ANO2: variants seen among roughly 807,000 people sequenced by gnomAD.
ANO2 encodes the protein anoctamin 2, also known as anoctamin-2.
ANO2 carries 101 observed loss-of-function variants against 124.2 expected under a neutral mutation model. The observed-to-expected ratio is 0.81, with a 90% CI of 0.69 to 0.96. ANO2 has a LOEUF of 0.96. Ranked by LOEUF, ANO2 falls within the 40% of genes least tolerant of loss-of-function variation. The pLI, the probability that ANO2 is intolerant of heterozygous loss-of-function variation, is 0.00. For synonymous variants in ANO2, 486 were observed against 482.5 expected (o/e 1.01, Z -0.09); for missense variants, 1,293 against 1,274.5 (o/e 1.01, Z -0.22).
chr12:5,883,565 T>C (rs1157287255), intron 3 of ANO2, among the ~76,000 whole-genome samples: 1 of 150,642 alleles, frequency 6.6e-6, no homozygotes, highest in Non-Finnish European at 1.5e-5. Context: ...GCTGCCAGGG[T>C]CTCTGGACGT....
At chr12:5,796,225 A>G (rs1952841215) in intron 10 of ANO2, among the ~76,000 whole-genome samples, 1 of 151,298 alleles carries the variant, frequency 6.6e-6, no homozygotes, top group Non-Finnish European at 1.5e-5. Context: ...ACTGACACAC[A>G]TGAACACACT....
At chr12:5,626,251 C>T (rs1020627183) in intron 16 of ANO2, among the ~76,000 whole-genome samples, 2 of 152,024 alleles carry the variant, frequency 1.3e-5, no homozygotes, top group African/African-American at 4.8e-5. Context: ...CTGTGTGCTC[C>T]CAGGGTGAGT....
chr12:5,770,917 C>T (rs1952058733), intron 10 of ANO2, among the ~76,000 whole-genome samples: 1 of 152,150 alleles, frequency 6.6e-6, no homozygotes, highest in South Asian at 2.1e-4. Flanking sequence ...TGCTCACTCC[C>T]CTACCTCCTC....
intron 14 of ANO2, among the ~76,000 whole-genome samples, chr12:5,674,550 C>G (rs1328805383): frequency 6.6e-6 from 1 of 152,216 alleles, no homozygotes; most frequent in South Asian, 2.1e-4. Flanking sequence ...GCACTCAGGT[C>G]ACAGCCTTCT....
At chr12:5,757,818 G>T (rs1591578727) in intron 10 of ANO2, among the ~76,000 whole-genome samples, 1 of 152,266 alleles carries the variant, frequency 6.6e-6, no homozygotes, top group East Asian at 1.9e-4. Context: ...GAGAATGGGA[G>T]GATGCGATAG....
intron 3 of ANO2, among the ~76,000 whole-genome samples, chr12:5,857,978 A>T (rs182853966): frequency 3.3e-5 from 5 of 152,312 alleles, no homozygotes; most frequent in Non-Finnish European, 7.3e-5. Context: ...AGAATATTTG[A>T]GCTTATGGAA....
chr12:5,761,388 C>G (rs1266931431), intron 10 of ANO2, among the ~76,000 whole-genome samples: 1 of 152,136 alleles, frequency 6.6e-6, no homozygotes, highest in Non-Finnish European at 1.5e-5. Context: ...GATTACTTAG[C>G]AAGGGCAAAT....
intron 1 of ANO2, among the ~76,000 whole-genome samples, chr12:5,935,706 T>C (rs192305027): frequency 1.8e-4 from 27 of 152,236 alleles, no homozygotes; most frequent in Admixed American, 1.6e-3. Context: ...ATATTAGGAT[T>C]CCGCAACTGG....
intron 3 of ANO2, among the ~76,000 whole-genome samples, chr12:5,919,154 C>T (rs1307148385): frequency 3.3e-5 from 5 of 152,054 alleles, no homozygotes; most frequent in Admixed American, 6.5e-5. Context: ...AAAAGTAAGG[C>T]AGGATCGAGG....
chr12:5,883,502 G>GGT (rs5796191), intron 3 of ANO2, among the ~76,000 whole-genome samples: 8,222 of 144,592 alleles, frequency 0.057, 219 homozygotes, highest in Middle Eastern at 0.066. Flanking sequence ...ACATTAGGGT[G>GGT]GTGTGTGTGT....
intron 14 of ANO2, among the ~76,000 whole-genome samples, chr12:5,649,345 T>C (rs1182156283): frequency 6.6e-6 from 1 of 152,194 alleles, no homozygotes; most frequent in Non-Finnish European, 1.5e-5. Context: ...AGATTCAGGT[T>C]TGCACAGACT....
At chr12:5,917,094 G>A (rs1391845026) in intron 3 of ANO2, among the ~76,000 whole-genome samples, 1 of 152,136 alleles carries the variant, frequency 6.6e-6, no homozygotes, top group African/African-American at 2.4e-5. Flanking sequence ...AGGAGTCTGG[G>A]TGGTTATACA....
intron 3 of ANO2, among the ~76,000 whole-genome samples, chr12:5,917,382 G>A (rs1230712620): frequency 1.3e-5 from 2 of 151,916 alleles, no homozygotes; most frequent in Admixed American, 6.6e-5. Context: ...AGTATTCACT[G>A]TTGAACTGAA....
chr12:5,718,112 C>T (rs976999201), intron 14 of ANO2, among the ~76,000 whole-genome samples: 1 of 152,210 alleles, frequency 6.6e-6, no homozygotes, highest in Non-Finnish European at 1.5e-5. Flanking sequence ...AAATAAAAAG[C>T]CAACATGTCT....
chr12:5,563,432 A>G lies in ANO2; in HGVS notation c.2864T>C (p.Leu955Pro). 1 of 1,613,366 alleles carries G rather than the reference A, an allele frequency of 6.2e-7. No homozygotes were observed. The highest frequency in any genetic ancestry group is 8.5e-7 in the Non-Finnish European group (1 of 1,179,712). ...GCTCCTCAGAGCCGGCTCATCCATC[A>G]GCTTGAGCTTCTCATGCTCCTCTTT... is the stretch of plus-strand genomic sequence containing the variant. ...FLKEEHEKLK[L>P]MDEPALRSPG... is the part of the protein sequence containing the mutation. Residue 955 changes from leucine to proline, a missense_variant, in exon 25 of 25, where the codon CTG becomes CCG. Physicochemically the swap from Leu to Pro is moderately conservative, Grantham distance 98. Transcript: ENST00000682330.
At chr12:5,676,808 C>T (rs1051712810) in intron 14 of ANO2, among the ~76,000 whole-genome samples, 1 of 152,148 alleles carries the variant, frequency 6.6e-6, no homozygotes, top group Non-Finnish European at 1.5e-5. Flanking sequence ...AATCCCAGCA[C>T]TTTGGGAGGC....
chr12:5,679,666 A>T (rs1363499044), intron 14 of ANO2, among the ~76,000 whole-genome samples: 2 of 152,226 alleles, frequency 1.3e-5, no homozygotes, highest in Non-Finnish European at 2.9e-5. Context: ...AGGAAGAAAT[A>T]GGAATGCTTT....
chr12:5,661,795 C>G (rs982258193), intron 14 of ANO2, among the ~76,000 whole-genome samples: 1 of 152,196 alleles, frequency 6.6e-6, no homozygotes, highest in Non-Finnish European at 1.5e-5. Flanking sequence ...AAATGCTTCA[C>G]GGGCAATGCT....
chr12:5,713,376 C>T (rs1227403235), intron 14 of ANO2, among the ~76,000 whole-genome samples: 1 of 152,076 alleles, frequency 6.6e-6, no homozygotes, highest in Non-Finnish European at 1.5e-5. Flanking sequence ...TTTTACTCCA[C>T]GTATATAGAT....
Sources: allele counts gnomAD v4.1 joint callset (sites outside exome capture counted in the v4.1 genomes callset), GRCh38; gene constraint gnomAD v4.1.1; transcripts MANE v1.5; gene names NCBI Gene and HGNC (gene_info 2026-07-23, HGNC 2026-07-21).